Variants in BICD1 observed in about 807,000 individuals in gnomAD.
BICD1 encodes the protein BICD cargo adaptor 1, also known as protein bicaudal D homolog 1.
BICD1 carries 35 observed loss-of-function variants against 92.5 expected under a neutral mutation model. That is an observed-to-expected ratio of 0.38 (90% CI 0.29 to 0.50). BICD1 has a LOEUF of 0.50. Among genes scored for constraint, BICD1 ranks in the 20% least tolerant of loss-of-function variants. The probability of loss-of-function intolerance (pLI) is 0.93; values close to 1 mark genes in which losing one functional copy is unlikely to be tolerated. For missense variants in BICD1, 950 were observed against 1,189.8 expected (o/e 0.80, Z 2.97); for synonymous variants, 429 against 465.1 (o/e 0.92, Z 1.00).
At chr12:32,242,137 C>T (rs1372410299) in intron 2 of BICD1, among the ~76,000 whole-genome samples, 1 of 144,076 alleles carries the variant, frequency 6.9e-6, no homozygotes, top group African/African-American at 2.6e-5. Context: ...ATCACCTGAG[C>T]CCAGGGAGGT....
chr12:32,203,846 C>T (rs1446412242), intron 1 of BICD1, among the ~76,000 whole-genome samples: 1 of 152,020 alleles, frequency 6.6e-6, no homozygotes, highest in Non-Finnish European at 1.5e-5. Context: ...GGGTCTGGCA[C>T]AATAACATGT....
chr12:32,209,228 T>C (rs1272576709), intron 1 of BICD1, among the ~76,000 whole-genome samples: 1 of 152,218 alleles, frequency 6.6e-6, no homozygotes, highest in Non-Finnish European at 1.5e-5. Flanking sequence ...TAATACTTCA[T>C]TTAAAACAAA....
intron 9 of BICD1, among the ~76,000 whole-genome samples, chr12:32,372,093 A>G (rs770666377): frequency 9.2e-5 from 14 of 152,334 alleles, no homozygotes; most frequent in Non-Finnish European, 1.6e-4. Flanking sequence ...TTTTCCCTCA[A>G]ACTGAAGAGG....
At chr12:32,175,055 A>AT (rs1197253199) in intron 1 of BICD1, among the ~76,000 whole-genome samples, 4 of 152,096 alleles carry the variant, frequency 2.6e-5, no homozygotes, top group African/African-American at 9.7e-5. Context: ...AAAGCTATTG[A>AT]TTTTTTTCCT....
At chr12:32,118,284 T>G (rs1191829794) in intron 1 of BICD1, among the ~76,000 whole-genome samples, 2 of 151,430 alleles carry the variant, frequency 1.3e-5, no homozygotes, top group Middle Eastern at 3.2e-3. Flanking sequence ...GGTTTCACCG[T>G]GTTAGCCAGG....
intron 2 of BICD1, among the ~76,000 whole-genome samples, chr12:32,225,241 C>T (rs966080493): frequency 7.9e-5 from 12 of 152,192 alleles, no homozygotes; most frequent in African/African-American, 2.4e-4. Flanking sequence ...TTGGGTCCTT[C>T]AGCATGATGC....
Position 32,203,691 on chromosome 12 carries a change from C to T in BICD1, c.214-12556C>T, listed in dbSNP as rs192491136. 5.5e-4 allele frequency among the ~76,000 whole-genome samples: 84 copies of T among 152,288 alleles called. 1 individual carries two copies. Among genetic ancestry groups the T allele is most frequent in the African/African-American group, 1.9e-3 (77 of 41,560 alleles). Reference sequence around the variant, plus strand: ...ATACTTTTTAGAAACGGTAGTGGTTCGTCCATCCAGCCTGCTACCACTGGA... The same window carrying T: ...ATACTTTTTAGAAACGGTAGTGGTTTGTCCATCCAGCCTGCTACCACTGGA... On this transcript the variant is annotated intron_variant, in intron 1 of 9. Transcript: ENST00000652176.
chr12:32,231,080 G>T (rs2594009), intron 2 of BICD1, among the ~76,000 whole-genome samples: 3 of 151,678 alleles, frequency 2.0e-5, no homozygotes, highest in Non-Finnish European at 4.4e-5. Flanking sequence ...AATGATGTCA[G>T]TTGCTCTTTA....
rs1247465228 is a variant in BICD1 at position 32,117,754 on chromosome 12, ATATATT to A, written c.213+10212_213+10217del. ...CACACACATATATATATATATATAT[ATATATT>A]TTTTTTTAAGACCATATTTCGCTCT... is the stretch of plus-strand genomic sequence containing the variant. On this transcript the variant is annotated intron_variant, in intron 1 of 9. Coordinates refer to ENST00000652176, the MANE Select transcript of BICD1 (RefSeq NM_001714.4). 4.5e-3 allele frequency among the ~76,000 whole-genome samples: 482 copies of A among 106,112 alleles called. 2 individuals carry two copies. Among genetic ancestry groups the A allele is most frequent in the African/African-American group, 0.013 (426 of 32,428 alleles). 69.6% of individuals were successfully genotyped at this position (106,112 alleles called of 152,430 possible).
chr12:32,221,353 A>AAAAT lies in BICD1; in HGVS notation c.426+4897_426+4898insTAAA, dbSNP rs948909788. The stretch of plus-strand genomic sequence containing the variant: ...AAACGTTATCTGTATCACAAAAAAT[A>AAAAT]AAAAAATAAATAAATAAATAAATAA... On this transcript the variant is annotated intron_variant, in intron 2 of 9. Coordinates refer to ENST00000652176, the MANE Select transcript of BICD1 (RefSeq NM_001714.4). Among the ~76,000 whole-genome samples the AAAAT allele has an allele frequency of 6.6e-4, 88 of 133,850 alleles. 1 individual carries two copies. In the East Asian group the frequency reaches 0.024, roughly 37 times the overall value. 87.8% of individuals were successfully genotyped at this position (133,850 alleles called of 152,430 possible). A position where few individuals can be genotyped will look rare whatever the true frequency, so the allele number is the denominator to read the frequency against.
At chr12:32,296,951 A>AAGGAGGGGGG (rs1273929255) in intron 3 of BICD1, among the ~76,000 whole-genome samples, 1 of 152,196 alleles carries the variant, frequency 6.6e-6, no homozygotes, top group Non-Finnish European at 1.5e-5. Flanking sequence ...GTTTTTTAAA[A>AAGGAGGGGGG]AGGAGGGGGG....
intron 2 of BICD1, among the ~76,000 whole-genome samples, chr12:32,243,309 T>A (rs1946287715): frequency 7.4e-6 from 1 of 135,296 alleles, no homozygotes; most frequent in African/African-American, 2.8e-5. Flanking sequence ...AGACAGGGTT[T>A]TGCCATGTTG....
chr12:32,157,242 G>GA (rs1943466490), intron 1 of BICD1, among the ~76,000 whole-genome samples: 1 of 152,102 alleles, frequency 6.6e-6, no homozygotes, highest in Non-Finnish European at 1.5e-5. Context: ...ATAAGTACTT[G>GA]ATCCCTACTT....
At chr12:32,293,150 A>G (rs989819789) in intron 2 of BICD1, among the ~76,000 whole-genome samples, 6 of 152,118 alleles carry the variant, frequency 3.9e-5, no homozygotes, top group Admixed American at 3.9e-4. Flanking sequence ...TATTCTTACA[A>G]ATATTTTTTC....
chr12:32,287,266 T>C (rs544232117), intron 2 of BICD1, among the ~76,000 whole-genome samples: 27 of 152,346 alleles, frequency 1.8e-4, no homozygotes, highest in African/African-American at 6.0e-4. Context: ...GTAGCACTTG[T>C]TACTTTGTTA....
chr12:32,346,533 CGTGTAT>C (rs1938575437), intron 8 of BICD1, among the ~76,000 whole-genome samples: 1 of 25,238 alleles, frequency 4.0e-5, no homozygotes, highest in African/African-American at 9.3e-5. Flanking sequence ...TATATATATA[CGTGTAT>C]ATATATATAT....
At chr12:32,376,443 A>C (rs146983267) in intron 9 of BICD1, among the ~76,000 whole-genome samples, 4 of 152,210 alleles carry the variant, frequency 2.6e-5, no homozygotes, top group Non-Finnish European at 5.9e-5. Context: ...TTACCCTAGG[A>C]AACTCAATGA....
intron 2 of BICD1, chr12:32,228,154 T>A (rs1945760671): frequency 1.2e-5 from 2 of 169,746 alleles, no homozygotes; most frequent in African/African-American, 4.7e-5. Flanking sequence ...TTGAGCACGA[T>A]AGTCTCTTGG....
intron 1 of BICD1, among the ~76,000 whole-genome samples, chr12:32,198,192 C>T (rs1323155700): frequency 1.3e-5 from 2 of 150,622 alleles, no homozygotes; most frequent in African/African-American, 4.9e-5. Context: ...GCATCAAGAG[C>T]AAAACTTCGT....
Sources: gnomAD v4.1 joint callset for allele counts (sites outside exome capture counted in the v4.1 genomes callset) on GRCh38, gnomAD v4.1.1 for gene constraint, MANE v1.5 for transcripts, NCBI Gene and HGNC (gene_info 2026-07-23, HGNC 2026-07-21) for gene names.